PCDH9: variants seen among roughly 807,000 people sequenced by gnomAD.
PCDH9 encodes protocadherin 9.
Under a neutral mutation model 70.6 loss-of-function variants are expected in PCDH9, and 24 were observed. The ratio of observed to expected loss-of-function variants is 0.34; its 90% confidence interval spans 0.25 to 0.48. The LOEUF (loss-of-function observed/expected upper bound fraction) is 0.48. PCDH9 is among the 20% of genes least tolerant of loss of function. The probability of loss-of-function intolerance (pLI) is 0.99; values close to 1 mark genes in which losing one functional copy is unlikely to be tolerated. For synonymous variants in PCDH9, 562 were observed against 558.5 expected, an observed-to-expected ratio of 1.01 and a Z score of -0.09; for missense variants, 1,281 against 1,503.6, an observed-to-expected ratio of 0.85 and a Z score of 2.45.
Position 67,226,577 on chromosome 13 carries a change from G to T in PCDH9, c.1864C>A (p.Pro622Thr), listed in dbSNP as rs749764642. The change falls in exon 2 of 5, where the codon CCC (proline) becomes ACC (threonine). Residue 622 changes from proline to threonine, a missense_variant. Physicochemically the swap from Pro to Thr is conservative, Grantham distance 38. This residue lies in a region of PCDH9 where 798 missense variants were observed against 1,003.1 expected (regional missense o/e 0.80). Coordinates refer to ENST00000377865, the MANE Select transcript of PCDH9 (RefSeq NM_203487.3). The surrounding 1 kb of genome is among the most constrained non-coding windows in gnomAD (Gnocchi z 5.0). Reference protein sequence around the residue: ...LNDNDNFVLDPYSGVIKSNVS... With the variant: ...LNDNDNFVLDTYSGVIKSNVS... The stretch of plus-strand genomic sequence containing the variant: ...TTTGACTTTATGACTCCAGAATAGG[G>T]ATCCAACACAAAATTATCATTGTCA... 5.6e-6 allele frequency: 9 copies of T among 1,613,522 alleles called. No homozygotes were observed. The highest frequency in any genetic ancestry group is 1.3e-5 in the African/African-American group (1 of 75,000).
At chr13:66,555,589 C>T (rs1961697137) in intron 4 of PCDH9, among the ~76,000 whole-genome samples, 1 of 148,882 alleles carries the variant, frequency 6.7e-6, no homozygotes, top group African/African-American at 2.5e-5. Context: ...TCAAACTTGT[C>T]ATTTACACAT....
intron 4 of PCDH9, among the ~76,000 whole-genome samples, chr13:66,458,239 G>A (rs1958356773): frequency 6.6e-6 from 1 of 151,896 alleles, no homozygotes; most frequent in Non-Finnish European, 1.5e-5. Flanking sequence ...AGTGATTTAA[G>A]TAGATTTCTG....
At chr13:66,908,435 T>C (rs946511059) in intron 2 of PCDH9, among the ~76,000 whole-genome samples, 12 of 152,092 alleles carry the variant, frequency 7.9e-5, no homozygotes, top group African/African-American at 2.7e-4. Context: ...TTCAGTGGAG[T>C]CTGTTTAAGC....
chr13:67,216,811 T>C (rs1208212490), intron 2 of PCDH9: 1 of 150,734 alleles, frequency 6.6e-6, no homozygotes, highest in African/African-American at 2.4e-5. Flanking sequence ...ATGAATATAG[T>C]CCACCTAGTG....
At chr13:66,842,037 G>C (rs1459050489) in intron 3 of PCDH9, among the ~76,000 whole-genome samples, 1 of 152,156 alleles carries the variant, frequency 6.6e-6, no homozygotes, top group African/African-American at 2.4e-5. Context: ...CTTAGCTTGG[G>C]AAATTAGGAG....
At chr13:66,504,891 A>T (rs990084066) in intron 4 of PCDH9, among the ~76,000 whole-genome samples, 1 of 152,058 alleles carries the variant, frequency 6.6e-6, no homozygotes, top group African/African-American at 2.4e-5. Context: ...CACAAATCAC[A>T]CTCCTCAATG....
intron 2 of PCDH9, among the ~76,000 whole-genome samples, chr13:67,001,522 T>A (rs967847373): frequency 6.6e-6 from 1 of 151,620 alleles, no homozygotes; most frequent in Admixed American, 6.6e-5. Flanking sequence ...GGTCTGAGAA[T>A]GCTCTTGGTA....
chr13:67,178,936 A>AC (rs2088540015), intron 2 of PCDH9, among the ~76,000 whole-genome samples: 1 of 152,092 alleles, frequency 6.6e-6, no homozygotes, highest in Non-Finnish European at 1.5e-5. Context: ...CCCTATACTT[A>AC]CCAAAAATAA....
At chr13:66,728,443 T>C (rs1408525852) in intron 3 of PCDH9, among the ~76,000 whole-genome samples, 1 of 152,164 alleles carries the variant, frequency 6.6e-6, no homozygotes, top group African/African-American at 2.4e-5. Context: ...TTTACTAAAA[T>C]CATAGTAGTG....
At chr13:67,106,270 T>A (rs1259532815) in intron 2 of PCDH9, among the ~76,000 whole-genome samples, 4 of 152,194 alleles carry the variant, frequency 2.6e-5, no homozygotes, top group African/African-American at 7.2e-5. Context: ...CATTTATCCA[T>A]CCTAGGCATT....
chr13:67,090,681 T>C (rs756251845), intron 2 of PCDH9, among the ~76,000 whole-genome samples: 3 of 151,572 alleles, frequency 2.0e-5, no homozygotes, highest in Non-Finnish European at 4.4e-5. Context: ...AGAATAAAAA[T>C]GAAAAAAATC....
intron 4 of PCDH9, among the ~76,000 whole-genome samples, chr13:66,485,827 C>T (rs967933655): frequency 5.9e-5 from 9 of 151,642 alleles, no homozygotes; most frequent in African/African-American, 9.7e-5. Flanking sequence ...TTGCAACCTC[C>T]GCCTCCTGGG....
chr13:67,048,127 AT>A (rs1300746944), intron 2 of PCDH9, among the ~76,000 whole-genome samples: 6 of 152,298 alleles, frequency 3.9e-5, no homozygotes, highest in African/African-American at 1.4e-4. Context: ...AAATTGCTTT[AT>A]CCCTAAAGGA....
chr13:67,035,958 A>C (rs890947300), intron 2 of PCDH9, among the ~76,000 whole-genome samples: 1 of 152,178 alleles, frequency 6.6e-6, no homozygotes, highest in African/African-American at 2.4e-5. Flanking sequence ...CAGATCATTC[A>C]AGCTGTTCCA....
chr13:67,116,677 T>C (rs976237943), intron 2 of PCDH9, among the ~76,000 whole-genome samples: 22 of 152,196 alleles, frequency 1.4e-4, no homozygotes, highest in African/African-American at 4.8e-4. Flanking sequence ...GCAGTATTGA[T>C]AAAATCAAAC....
intron 3 of PCDH9, among the ~76,000 whole-genome samples, chr13:66,777,220 G>T (rs2079911049): frequency 6.6e-6 from 1 of 151,990 alleles, no homozygotes; most frequent in African/African-American, 2.4e-5. Context: ...ACAGGCATGG[G>T]CAAGGACTTC....
chr13:66,745,590 C>T (rs148950820), intron 3 of PCDH9, among the ~76,000 whole-genome samples: 26 of 152,166 alleles, frequency 1.7e-4, no homozygotes, highest in Admixed American at 2.6e-4. Context: ...GAGCTTTCAC[C>T]AACACACTGA....
In PCDH9 at chr13:66,613,449, G is replaced by C. The variant is rs1218107645; in HGVS notation, c.3340+17761C>G. 9.9e-5 allele frequency among the ~76,000 whole-genome samples: 15 copies of C among 152,154 alleles called. No individual in the cohort carries two copies. The East Asian group carries it at 2.7e-3, about 27-fold the overall frequency. ...TAGGCTAGGCCCCTCAACTGTCACT[G>C]TTTATATTTTCTGTAAAGCTTTAAT... On this transcript the variant is annotated intron_variant, in intron 4 of 4. Coordinates refer to ENST00000377865, the MANE Select transcript of PCDH9 (RefSeq NM_203487.3).
chr13:67,061,409 C>CTA lies in PCDH9; in HGVS notation c.3037-157806_3037-157805dup, dbSNP rs752630044. Among the ~76,000 whole-genome samples the CTA allele has an allele frequency of 1.3e-4, 20 of 151,606 alleles. No homozygotes were observed. The East Asian group carries it at 2.1e-3, about 16-fold the overall frequency. On this transcript the variant is annotated intron_variant, in intron 2 of 4. Coordinates refer to ENST00000377865, the MANE Select transcript of PCDH9 (RefSeq NM_203487.3). The stretch of plus-strand genomic sequence containing the variant: ...TGTCTGTCTCTCTCCCTCTCTCTCT[C>CTA]TATATATATATGTATATATGTATAT...
Sources: allele counts gnomAD v4.1 joint callset (sites outside exome capture counted in the v4.1 genomes callset), GRCh38; gene constraint gnomAD v4.1.1; regional missense constraint gnomAD v4.1.1; non-coding constraint Gnocchi (gnomAD v3.1); transcripts MANE v1.5; gene names NCBI Gene and HGNC (gene_info 2026-07-23, HGNC 2026-07-21).